Variants in ABHD2 observed in about 807,000 individuals in gnomAD.
ABHD2 encodes the protein abhydrolase domain containing 2, acylglycerol lipase, also known as monoacylglycerol lipase ABHD2.
Under a neutral mutation model 48.1 loss-of-function variants are expected in ABHD2, and 20 were observed. That is an observed-to-expected ratio of 0.42 (90% CI 0.29 to 0.60). ABHD2 has a LOEUF of 0.60. Among genes scored for constraint, ABHD2 ranks in the 20% least tolerant of loss-of-function variants. The pLI is 0.24. For missense variants in ABHD2, 405 were observed against 550.9 expected (o/e 0.74, Z 2.65); for synonymous variants, 209 against 214.2 (o/e 0.98, Z 0.21).
chr15:89,053,608 A>G, the ABHD2 span, among the ~76,000 whole-genome samples: 1 of 152,212 alleles, frequency 6.6e-6, no homozygotes, highest in African/African-American at 2.4e-5. Flanking sequence ...AGGTGGACAC[A>G]GGAGGCACTA....
chr15:89,121,039 G>A (rs1255237284), intron 3 of ABHD2, among the ~76,000 whole-genome samples: 2 of 152,118 alleles, frequency 1.3e-5, no homozygotes, highest in East Asian at 1.9e-4. Flanking sequence ...GTCTACTCAC[G>A]TTTGACTTTT....
the ABHD2 span, among the ~76,000 whole-genome samples, chr15:89,072,846 C>G: frequency 1.2e-4 from 19 of 152,102 alleles, no homozygotes; most frequent in Admixed American, 2.0e-4. Flanking sequence ...AAGTAAAATA[C>G]AAAATGCTCA....
At chr15:89,098,253 C>G (rs1426686478) in intron 1 of ABHD2, among the ~76,000 whole-genome samples, 1 of 152,178 alleles carries the variant, frequency 6.6e-6, no homozygotes, top group Non-Finnish European at 1.5e-5. Context: ...TATGTCATTA[C>G]TATTTCCTAA....
At chr15:89,158,392 G>A (rs150856328) in intron 5 of ABHD2, among the ~76,000 whole-genome samples, 1 of 152,312 alleles carries the variant, frequency 6.6e-6, no homozygotes, top group Non-Finnish European at 1.5e-5. Flanking sequence ...TGTACTGTTG[G>A]GGCTGTAGGC....
At chr15:89,115,985 C>T (rs574674310) in intron 2 of ABHD2, among the ~76,000 whole-genome samples, 3 of 152,326 alleles carry the variant, frequency 2.0e-5, no homozygotes, top group East Asian at 1.9e-4. Context: ...GCCACCTCTT[C>T]GACTGATCTT....
chr15:89,193,955 G>C (rs373968384), intron 10 of ABHD2, among the ~76,000 whole-genome samples: 1 of 150,474 alleles, frequency 6.6e-6, no homozygotes, highest in African/African-American at 2.5e-5. Context: ...GCTGGGCATG[G>C]TGGCACATAC....
rs1407808777 is a variant in ABHD2, at chr15:89,120,140, C to T, written c.194+3619C>T. ...CTCGAGGAGCAGGGATTACTGTTTT[C>T]CCCCTCAGCATTAAAGTCAATTTGA... On this transcript the variant is annotated intron_variant, in intron 3 of 10. Transcript: ENST00000352732. The surrounding 1 kb of genome is among the most constrained non-coding windows in gnomAD (Gnocchi z 4.2). 6.6e-6 allele frequency among the ~76,000 whole-genome samples: 1 copy of T among 152,156 alleles called. No homozygotes were observed. Among genetic ancestry groups the T allele is most frequent in the South Asian group, 2.1e-4 (1 of 4,816 alleles).
chr15:89,128,210 G>T (rs1207799706), intron 3 of ABHD2, among the ~76,000 whole-genome samples: 5 of 152,234 alleles, frequency 3.3e-5, no homozygotes, highest in African/African-American at 1.2e-4. Flanking sequence ...GTGGTGGCTT[G>T]ACTGATGAGG....
At chr15:89,135,926 CT>C (rs879125413) in intron 3 of ABHD2, 17,628 of 411,900 alleles carry the variant, frequency 0.043, 9 homozygotes, top group East Asian at 0.083. Context: ...GATCCTTTAA[CT>C]TTTTTTTTTT....
At chr15:89,148,795 C>T (rs1382896812) in intron 3 of ABHD2, among the ~76,000 whole-genome samples, 2 of 152,186 alleles carry the variant, frequency 1.3e-5, no homozygotes, top group Non-Finnish European at 2.9e-5. Flanking sequence ...GCTACATTTT[C>T]GAACTACCAC....
chr15:89,131,267 C>G (rs949909211), intron 3 of ABHD2, among the ~76,000 whole-genome samples: 5 of 152,242 alleles, frequency 3.3e-5, no homozygotes, highest in African/African-American at 1.2e-4. Flanking sequence ...TCCACATTTT[C>G]TCATACTGCA....
At chr15:89,172,033 T>TTA (rs773930096) in intron 5 of ABHD2, among the ~76,000 whole-genome samples, 41 of 150,394 alleles carry the variant, frequency 2.7e-4, no homozygotes, top group Non-Finnish European at 2.8e-4. Context: ...GCTTTTTTTT[T>TTA]AAAAAAAATC....
chr15:89,126,132 G>GAA (rs2050127462), intron 3 of ABHD2, among the ~76,000 whole-genome samples: 1 of 152,104 alleles, frequency 6.6e-6, no homozygotes, highest in African/African-American at 2.4e-5. Context: ...CTCCAAAAAA[G>GAA]GAGTATATGT....
chr15:89,113,346 T>C (rs1162533619), intron 1 of ABHD2, among the ~76,000 whole-genome samples: 2 of 152,258 alleles, frequency 1.3e-5, no homozygotes, highest in South Asian at 2.1e-4. Flanking sequence ...CGACTGGCTG[T>C]GCTGTCTCGA....
the ABHD2 span, among the ~76,000 whole-genome samples, chr15:89,047,964 C>T: frequency 3.4e-5 from 5 of 148,226 alleles, no homozygotes; most frequent in African/African-American, 1.3e-4. Context: ...TTATTTTGCT[C>T]GATAGTTCAT....
rs2049633365 is a variant in ABHD2, at chr15:89,097,626, T to C, written c.-107+9063T>C. On this transcript the variant is annotated intron_variant, in intron 1 of 10. Transcript: ENST00000352732. This position sits in a 1 kb window ranked among gnomAD's most constrained non-coding sequence, Gnocchi z 4.2. Reference sequence around the variant, plus strand: ...TGGGTAGTCTGTCCAGTAGAGGTATTTGTTTACTTTTGACAGATAACGCAT... The same window carrying C: ...TGGGTAGTCTGTCCAGTAGAGGTATCTGTTTACTTTTGACAGATAACGCAT... Among the ~76,000 whole-genome samples, 1 of 152,206 alleles carries C rather than the reference T, an allele frequency of 6.6e-6. No individual in the cohort carries two copies. Among genetic ancestry groups the C allele is most frequent in the African/African-American group, 2.4e-5 (1 of 41,454 alleles).
chr15:89,183,384 A>AAAAAATATATATATATATAT (rs61602174), intron 6 of ABHD2: 2 of 46,268 alleles, frequency 4.3e-5, no homozygotes, highest in African/African-American at 6.9e-5. Context: ...AAAAAAAAAA[A>AAAAAATATATATATATATAT]ATATATATAT....
At chr15:89,154,953 A>G (rs1011953039) in intron 4 of ABHD2, among the ~76,000 whole-genome samples, 18 of 152,248 alleles carry the variant, frequency 1.2e-4, no homozygotes, top group Non-Finnish European at 2.9e-5. Context: ...ACCACTTTTT[A>G]TCTTCTCATT....
At chr15:89,081,156 T>C in the ABHD2 span, among the ~76,000 whole-genome samples, 1 of 149,044 alleles carries the variant, frequency 6.7e-6, no homozygotes, top group Admixed American at 6.7e-5. Flanking sequence ...CACGCCACCA[T>C]GCCCAGCTAA....
Sources: allele counts gnomAD v4.1 joint callset (sites outside exome capture counted in the v4.1 genomes callset), GRCh38; gene constraint gnomAD v4.1.1; non-coding constraint Gnocchi (gnomAD v3.1); transcripts MANE v1.5; gene names NCBI Gene and HGNC (gene_info 2026-07-23, HGNC 2026-07-21).